Variants in GLB1 observed in about 807,000 individuals in gnomAD.
GLB1 encodes beta-galactosidase.
A neutral mutation model predicts 74.0 loss-of-function variants in GLB1; 56 were observed. The ratio of observed to expected loss-of-function variants is 0.76; its 90% CI spans 0.61 to 0.94. GLB1 has a LOEUF of 0.94. Ranked by LOEUF, GLB1 falls within the 40% of genes least tolerant of loss-of-function variation. The pLI is 0.00. For missense variants in GLB1, 787 were observed against 845.5 expected (o/e 0.93, Z 0.86); for synonymous variants, 323 against 323.6 (o/e 1.00, Z 0.02).
chr3:33,011,829 A>G (rs1211281478), intron 15 of GLB1, among the ~76,000 whole-genome samples: 1 of 152,152 alleles, frequency 6.6e-6, no homozygotes, highest in Non-Finnish European at 1.5e-5. Context: ...ATTTCTCAAA[A>G]AGAACGTTTA....
At chr3:33,079,626 T>G (rs758238387) in intron 1 of GLB1, among the ~76,000 whole-genome samples, 1 of 152,228 alleles carries the variant, frequency 6.6e-6, no homozygotes, top group Non-Finnish European at 1.5e-5. Flanking sequence ...GTATGTGTAT[T>G]GTACATGCAT....
At chr3:33,065,442 C>G (rs76275661) in intron 5 of GLB1, 21 bp downstream of exon 5, 2 of 1,565,754 alleles carry the variant, frequency 1.3e-6, no homozygotes, top group African/African-American at 2.7e-5. Context: ...CCAATCCATC[C>G]ATGCTCAACT....
chr3:33,004,436 A>G (rs1397389465), intron 15 of GLB1, among the ~76,000 whole-genome samples: 1 of 152,348 alleles, frequency 6.6e-6, no homozygotes, highest in African/African-American at 2.4e-5. Flanking sequence ...TAACTGATAC[A>G]CATCTCCATG....
intron 10 of GLB1, among the ~76,000 whole-genome samples, chr3:33,035,555 G>T (rs542924441): frequency 2.0e-4 from 30 of 152,278 alleles, no homozygotes; most frequent in Middle Eastern, 3.4e-3. Context: ...TATGTGGTAA[G>T]GACTTTGAGA....
In GLB1 at chr3:33,088,368, TACACACACACACACAC is replaced by T. The variant is rs55949952; in HGVS notation, c.75+8627_75+8642del. ...CTTAGATGTAGGAAACCCTAAAGAC[TACACACACACACACAC>T]ACACACACACACACACACACACACA... On this transcript the variant is annotated intron_variant, in intron 1 of 15. Coordinates refer to ENST00000307363, the MANE Select transcript of GLB1 (RefSeq NM_000404.4). 6.8e-4 allele frequency among the ~76,000 whole-genome samples: 96 copies of T among 141,826 alleles called. No individual in the cohort carries two copies. The East Asian group carries it at 0.01, about 15-fold the overall frequency. 93.0% of individuals were successfully genotyped at this position (141,826 alleles called of 152,430 possible). A position where few individuals can be genotyped will look rare whatever the true frequency, so the allele number is the denominator to read the frequency against.
At chr3:33,073,934 G>A (rs1398680244) in intron 1 of GLB1, among the ~76,000 whole-genome samples, 2 of 151,294 alleles carry the variant, frequency 1.3e-5, no homozygotes, top group African/African-American at 4.9e-5. Flanking sequence ...TGAGGTGGGA[G>A]GACTGCTTGA....
intron 10 of GLB1, 195 bp from the exon 11 acceptor site, chr3:33,024,520 GT>G: frequency 3.4e-6 from 2 of 581,964 alleles, no homozygotes; most frequent in Non-Finnish European, 6.0e-6. Context: ...GTATGTCTGT[GT>G]TTTAAGCTTC....
the GLB1 span, among the ~76,000 whole-genome samples, chr3:32,967,275 C>G: frequency 6.6e-6 from 1 of 152,154 alleles, no homozygotes; most frequent in South Asian, 2.1e-4. Flanking sequence ...GTGAGTTCAG[C>G]AGGTTGCAGG....
At chr3:32,993,344 G>A (rs897448608), downstream of GLB1, among the ~76,000 whole-genome samples, 3 of 151,916 alleles carry the variant, frequency 2.0e-5, no homozygotes, top group Non-Finnish European at 4.4e-5. Flanking sequence ...TGATAAATCT[G>A]CAAATTCTAA....
chr3:32,986,594 C>CTTTTTT, the GLB1 span, among the ~76,000 whole-genome samples: 600 of 142,396 alleles, frequency 4.2e-3, 10 homozygotes, highest in African/African-American at 0.014. Context: ...GACTGTTTCT[C>CTTTTTT]TTTTTTTTTT....
intron 1 of GLB1, chr3:33,090,306 A>C: frequency 1.3e-6 from 1 of 770,486 alleles, no homozygotes; most frequent in Non-Finnish European, 1.6e-6. Context: ...GGGGTAGCTG[A>C]GAAAGGATGG....
chr3:33,038,945 G>A (rs1344845748), intron 10 of GLB1, among the ~76,000 whole-genome samples: 1 of 151,902 alleles, frequency 6.6e-6, no homozygotes, highest in East Asian at 1.9e-4. Context: ...ACCTCTAGAT[G>A]AGAAAAAACC....
At chr3:33,070,225 T>C (rs1699842268) in intron 2 of GLB1, among the ~76,000 whole-genome samples, 1 of 152,244 alleles carries the variant, frequency 6.6e-6, no homozygotes, top group African/African-American at 2.4e-5. Context: ...ATATGTCCAT[T>C]ATATACTTGT....
chr3:32,988,446 A>C, the GLB1 span, among the ~76,000 whole-genome samples: 1 of 152,220 alleles, frequency 6.6e-6, no homozygotes, highest in African/African-American at 2.4e-5. Flanking sequence ...ATATGTTACT[A>C]TTCAGATAAC....
At chr3:32,989,376 C>T in the GLB1 span, among the ~76,000 whole-genome samples, 2 of 152,244 alleles carry the variant, frequency 1.3e-5, no homozygotes, top group Non-Finnish European at 2.9e-5. Context: ...GCACTTCCGG[C>T]TCACGAAACT....
At chr3:33,037,048 ATTTTTT>A (rs71070114) in intron 10 of GLB1, among the ~76,000 whole-genome samples, 1 of 144,056 alleles carries the variant, frequency 6.9e-6, no homozygotes, top group African/African-American at 2.6e-5. Context: ...ACCACAATTA[ATTTTTT>A]TTTTTTTTTG....
chr3:33,054,305 C>G (rs993202042), intron 6 of GLB1, among the ~76,000 whole-genome samples: 1 of 152,192 alleles, frequency 6.6e-6, no homozygotes, highest in African/African-American at 2.4e-5. Context: ...ACCCCATGGG[C>G]CTGGAATACT....
At chr3:33,018,736 T>A (rs1450639579) in intron 12 of GLB1, among the ~76,000 whole-genome samples, 175 bp from the exon 13 acceptor site, 1 of 152,172 alleles carries the variant, frequency 6.6e-6, no homozygotes, top group African/African-American at 2.4e-5. Context: ...TTTTAGGTCA[T>A]CGAATATCTA....
At chr3:33,013,280 A>G (rs922642721) in intron 15 of GLB1, among the ~76,000 whole-genome samples, 2 of 152,132 alleles carry the variant, frequency 1.3e-5, no homozygotes, top group Non-Finnish European at 2.9e-5. Flanking sequence ...AAATGCACCA[A>G]TTATTATCAA....
Sources: gnomAD v4.1 joint callset for allele counts (sites outside exome capture counted in the v4.1 genomes callset) on GRCh38, gnomAD v4.1.1 for gene constraint, MANE v1.5 for transcripts, NCBI Gene and HGNC (gene_info 2026-07-23, HGNC 2026-07-21) for gene names.